The following AGO4 variants were observed in gnomAD, a reference collection of about 807,000 sequenced individuals.
The protein encoded by AGO4 is protein argonaute-4.
AGO4 carries 33 observed loss-of-function variants against 104.7 expected under a neutral mutation model. That is an observed-to-expected ratio of 0.32 (90% CI 0.24 to 0.42). The LOEUF is 0.42. Among genes scored for constraint, AGO4 ranks in the 10% least tolerant of loss-of-function variants. The probability of loss-of-function intolerance (pLI) is 1.00; values close to 1 mark genes in which losing one functional copy is unlikely to be tolerated. For missense variants in AGO4, 711 were observed against 1,083.4 expected (o/e 0.66, Z 4.83); for synonymous variants, 331 against 364.7 (o/e 0.91, Z 1.05).
intron 13 of AGO4, 97 bp downstream of exon 13, chr1:35,836,090 T>C: frequency 7.5e-7 from 1 of 1,334,834 alleles, no homozygotes; most frequent in Non-Finnish European, 1.0e-6. Context: ...TAGATTACCT[T>C]TTCTCTTGTA....
chr1:35,826,683 T>G, intron 6 of AGO4, 65 bp from the exon 7 acceptor site: 1 of 1,324,674 alleles, frequency 7.5e-7, no homozygotes, highest in Non-Finnish European at 1.1e-6. Flanking sequence ...AAGACAACAT[T>G]TGAATCTGTT....
chr1:35,822,876 C>A lies in AGO4; in HGVS notation c.200C>A (p.Thr67Lys). 1 of 1,613,998 alleles carries A rather than the reference C, an allele frequency of 6.2e-7. No individual in the cohort carries two copies. Among genetic ancestry groups the A allele is most frequent in the Non-Finnish European group, 8.5e-7 (1 of 1,179,950 alleles). ...PRRVNREVVD[T>K]MVRHFKMQIF... ...TTACTGTGAAGGGAGGTAGTAGATA[C>A]AATGGTGCGGCACTTCAAGATGCAA... Residue 67 changes from threonine to lysine, a missense_variant, in exon 3 of 18, where the codon ACA becomes AAA. By Grantham distance (78) the Thr-to-Lys change is moderately conservative. This residue lies in a region of AGO4 where 308 missense variants were observed against 397.8 expected (regional missense o/e 0.77). Coordinates refer to ENST00000373210, the MANE Select transcript of AGO4 (RefSeq NM_017629.4).
Position 35,825,327 on chromosome 1 carries a change from G to A in AGO4, c.321G>A (p.Val107=), listed in dbSNP as rs184987317. The A allele has an allele frequency of 6.2e-6, 10 of 1,613,930 alleles. No individual in the cohort carries two copies. In the Admixed American group the frequency reaches 8.3e-5, roughly 13 times the overall value. ...PIGRDRVDME[V]TLPGEGKDQT... is the part of the protein sequence containing the mutation. Reference sequence around the variant, plus strand: ...TTTTTCCTTAGGTTGATATGGAGGTGACTCTTCCAGGCGAGGGTAAAGACC... The same window carrying A: ...TTTTTCCTTAGGTTGATATGGAGGTAACTCTTCCAGGCGAGGGTAAAGACC... The change falls in exon 4 of 18, where the codon GTG becomes GTA. Residue 107 remains valine (V), a synonymous_variant. Coordinates refer to ENST00000373210, the MANE Select transcript of AGO4 (RefSeq NM_017629.4).
intron 2 of AGO4, 69 bp from the exon 3 acceptor site, chr1:35,822,793 T>A: frequency 6.3e-7 from 1 of 1,578,442 alleles, no homozygotes; most frequent in Non-Finnish European, 8.7e-7. Flanking sequence ...ATGATTAAAG[T>A]ATGATGATGC....
At chr1:35,849,247 T>C (rs1644643840) in intron 15 of AGO4, among the ~76,000 whole-genome samples, 1 of 152,108 alleles carries the variant, frequency 6.6e-6, no homozygotes, top group African/African-American at 2.4e-5. Context: ...GATGATTAGA[T>C]TGAGGTATAA....
chr1:35,808,542 T>A lies in AGO4; in HGVS notation c.19+107T>A. On this transcript the variant is annotated intron_variant, in intron 1 of 17. Coordinates refer to ENST00000373210, the MANE Select transcript of AGO4 (RefSeq NM_017629.4). The surrounding 1 kb of genome is among the most constrained non-coding windows in gnomAD (Gnocchi z 5.2). ...CTCGCCGGGTTCGGGCCGCCAGGCC[T>A]CGGGGAAGGGGACCCGAGCCCCGCA... 1 of 1,016,338 alleles carries A rather than the reference T, an allele frequency of 9.8e-7. No individual in the cohort carries two copies. The highest frequency in any genetic ancestry group is 1.2e-6 in the Non-Finnish European group (1 of 820,116). 63.0% of individuals were successfully genotyped at this position (1,016,338 alleles called of 1,614,324 possible). A position where few individuals can be genotyped will look rare whatever the true frequency, so the allele number is the denominator to read the frequency against.
chr1:35,818,658 A>AAAGAAAGGAAGGAAGGAAGG (rs1553144552), intron 2 of AGO4, among the ~76,000 whole-genome samples: 2 of 61,578 alleles, frequency 3.2e-5, no homozygotes, highest in South Asian at 5.8e-4. Flanking sequence ...AGAAAGAAAG[A>AAAGAAAGGAAGGAAGGAAGG]AAGGAAGAAA....
chr1:35,838,225 G>A (rs1644360963), intron 13 of AGO4, among the ~76,000 whole-genome samples: 1 of 152,090 alleles, frequency 6.6e-6, no homozygotes, highest in Non-Finnish European at 1.5e-5. Flanking sequence ...GCTAATTTTT[G>A]TATTTTTAGT....
intron 16 of AGO4, 120 bp downstream of exon 16, chr1:35,850,378 A>G (rs1557583103): frequency 2.5e-6 from 2 of 812,724 alleles, no homozygotes; most frequent in East Asian, 2.5e-5. Flanking sequence ...CTTGTATCCT[A>G]GAATTATCTT....
Position 35,808,495 on chromosome 1 carries a change from G to C in AGO4, c.19+60G>C. On this transcript the variant is annotated intron_variant, in intron 1 of 17. Coordinates refer to ENST00000373210, the MANE Select transcript of AGO4 (RefSeq NM_017629.4). The surrounding 1 kb of genome is among the most constrained non-coding windows in gnomAD (Gnocchi z 5.2). The stretch of plus-strand genomic sequence containing the variant: ...GACCCGGGACCCGGGGCGGGCGGCC[G>C]GGACTTTCGCTGCCCCGTCGCCTCG... 8.5e-7 allele frequency: 1 copy of C among 1,176,972 alleles called. No individual in the cohort carries two copies. Among genetic ancestry groups the C allele is most frequent in the Non-Finnish European group, 1.1e-6 (1 of 951,248 alleles). 72.9% of individuals were successfully genotyped at this position (1,176,972 alleles called of 1,614,324 possible).
At position 35,841,045 on chromosome 1, in the gene AGO4, C is replaced by G. The variant is rs1053259239; in HGVS notation, c.1725-120C>G. The G allele has an allele frequency of 2.8e-6, 3 of 1,084,746 alleles. No individual in the cohort carries two copies. Among genetic ancestry groups the G allele is most frequent in the Admixed American group, 5.0e-5 (2 of 39,856 alleles). The allele number at this position is 1,084,746 out of a possible 1,614,324, so 67.2% of individuals were successfully genotyped here. On this transcript the variant is annotated intron_variant, in intron 13 of 17. Transcript: ENST00000373210. The surrounding 1 kb of genome is among the most constrained non-coding windows in gnomAD (Gnocchi z 4.7). ...GTCCGTAGTGTTCTTTCCCAATGGG[C>G]TTAAGTCTTTGTTCTCTCTTATAAG...
intron 1 of AGO4, among the ~76,000 whole-genome samples, chr1:35,815,076 C>T (rs976801093): frequency 6.6e-6 from 1 of 152,160 alleles, no homozygotes. Context: ...CGGGGTTTTA[C>T]TATGCTGGCC....
rs529202922 is a variant in AGO4, at chr1:35,855,488, T to G, written c.*1883T>G. The G allele has an allele frequency of 6.5e-6, 1 of 152,740 alleles. No homozygotes were observed. The highest frequency in any genetic ancestry group is 1.9e-4 in the East Asian group (1 of 5,188). The allele number at this position is 152,740 out of a possible 1,614,324, so 9.5% of individuals were successfully genotyped here. Reference sequence around the variant, plus strand: ...CGGCGCCACCTGTGTTTGCTGAGACTGGTCTCTGAGAGAGTTTTATGTCGA... The same window carrying G: ...CGGCGCCACCTGTGTTTGCTGAGACGGGTCTCTGAGAGAGTTTTATGTCGA... On this transcript the variant is annotated 3_prime_UTR_variant, in exon 18 of 18. Transcript: ENST00000373210.
At position 35,825,423 on chromosome 1, in the gene AGO4, G is replaced by A. The variant is rs960063286; in HGVS notation, c.417G>A (p.Gly139=). ...SLQLLLEALA[G]HLNEVPDDSV... ...AGTTGCTTTTAGAAGCTTTGGCTGG[G>A]CACTTGAATGAAGTCCCAGATGACT... The change falls in exon 4 of 18, where the codon GGG becomes GGA. Residue 139 remains glycine (G), a synonymous_variant. Coordinates refer to ENST00000373210, the MANE Select transcript of AGO4 (RefSeq NM_017629.4). 1 of 1,614,060 alleles carries A rather than the reference G, an allele frequency of 6.2e-7. No homozygotes were observed. The highest frequency in any genetic ancestry group is 1.3e-5 in the African/African-American group (1 of 74,932).
At chr1:35,818,040 A>G (rs1212861421) in intron 2 of AGO4, among the ~76,000 whole-genome samples, 1 of 152,238 alleles carries the variant, frequency 6.6e-6, no homozygotes, top group East Asian at 1.9e-4. Context: ...ATGAAGAAGC[A>G]AACAAAACAT....
intron 3 of AGO4, among the ~76,000 whole-genome samples, chr1:35,825,090 G>A (rs1330425779): frequency 2.0e-5 from 3 of 151,958 alleles, no homozygotes; most frequent in Non-Finnish European, 2.9e-5. Context: ...GTTTTCAAGC[G>A]TCATCCATGT....
intron 1 of AGO4, among the ~76,000 whole-genome samples, chr1:35,815,821 A>G (rs1214152927): frequency 1.3e-5 from 2 of 152,130 alleles, no homozygotes; most frequent in East Asian, 3.8e-4. Flanking sequence ...ACAACCAAAA[A>G]TGTGTCCATA....
chr1:35,841,811 CATATATATATAT>C lies in AGO4; in HGVS notation c.2175+77_2175+88del, dbSNP rs5773512. On this transcript the variant is annotated intron_variant, in intron 15 of 17. Transcript: ENST00000373210. The surrounding 1 kb of genome is among the most constrained non-coding windows in gnomAD (Gnocchi z 4.7). ...CTCTGGCAAGAGATGTATATATGCACATATATATATATATATATATATATATACACCATTTTT... is the reference window on the plus strand; with the variant it reads ...CTCTGGCAAGAGATGTATATATGCACATATATATATATATACACCATTTTT... 1,677 of 606,470 alleles carry C rather than the reference CATATATATATAT, an allele frequency of 2.8e-3. 48 individuals carry two copies. The African/African-American group carries it at 0.029, about 10-fold the overall frequency. 37.6% of individuals were successfully genotyped at this position (606,470 alleles called of 1,614,324 possible). A position where few individuals can be genotyped will look rare whatever the true frequency, so the allele number is the denominator to read the frequency against.
At chr1:35,836,149 T>C (rs958297125) in intron 13 of AGO4, among the ~76,000 whole-genome samples, 156 bp downstream of exon 13, 2 of 152,184 alleles carry the variant, frequency 1.3e-5, no homozygotes, top group African/African-American at 2.4e-5. Flanking sequence ...ATAGAACATT[T>C]CCAGCACCCC....
Sources: allele counts gnomAD v4.1 joint callset (sites outside exome capture counted in the v4.1 genomes callset), GRCh38; gene constraint gnomAD v4.1.1; regional missense constraint gnomAD v4.1.1; non-coding constraint Gnocchi (gnomAD v3.1); transcripts MANE v1.5; gene names NCBI Gene and HGNC (gene_info 2026-07-23, HGNC 2026-07-21).